ANO10: variants seen among roughly 807,000 people sequenced by gnomAD.
ANO10 encodes the protein anoctamin 10, also known as anoctamin-10.
Under a neutral mutation model 74.7 loss-of-function variants are expected in ANO10, and 77 were observed. That is an observed-to-expected ratio of 1.03 (90% CI 0.86 to 1.25). The LOEUF is 1.25. ANO10 is among the 50% of genes most tolerant of loss of function. ANO10 has a pLI of 0.00. For synonymous variants in ANO10, 279 were observed against 284.9 expected (o/e 0.98, Z 0.21); for missense variants, 721 against 778.1 (o/e 0.93, Z 0.87).
chr3:43,521,305 A>G (rs1262972364), intron 11 of ANO10, among the ~76,000 whole-genome samples: 1 of 152,212 alleles, frequency 6.6e-6, no homozygotes, highest in Non-Finnish European at 1.5e-5. Flanking sequence ...CACACACATC[A>G]CTTATCAGGT....
At chr3:43,455,788 C>T (rs568640620) in intron 11 of ANO10, among the ~76,000 whole-genome samples, 2 of 150,932 alleles carry the variant, frequency 1.3e-5, no homozygotes, top group South Asian at 4.2e-4. Context: ...ACATTGGTTA[C>T]AAACCTTTTT....
intron 1 of ANO10, among the ~76,000 whole-genome samples, chr3:43,656,708 C>T (rs1559387744): frequency 2.0e-5 from 3 of 152,356 alleles, no homozygotes; most frequent in South Asian, 4.1e-4. Flanking sequence ...CAGGGCCGGC[C>T]GGCTGCTCTG....
rs189417463 is a variant in ANO10, at chr3:43,674,228, C to T, written c.-12+17289G>A. On this transcript the variant is annotated intron_variant, in intron 1 of 3. Coordinates refer to the ANO10 transcript ENST00000413397. ...AATCATAGCTCACTGTAATGTTGAA[C>T]TTCTGGGCTCAAGTGATCTTCCCTC... 9.6e-4 allele frequency among the ~76,000 whole-genome samples: 146 copies of T among 152,304 alleles called. 2 individuals carry two copies. Among genetic ancestry groups the T allele is most frequent in the Admixed American group, 7.4e-3 (113 of 15,308 alleles).
At chr3:43,575,783 G>A (rs377176529) in intron 6 of ANO10, among the ~76,000 whole-genome samples, 12 of 152,140 alleles carry the variant, frequency 7.9e-5, no homozygotes, top group East Asian at 3.9e-4. Flanking sequence ...GACTACAGGC[G>A]TGTGCCACCA....
chr3:43,644,489 C>T (rs1035094638), intron 1 of ANO10, among the ~76,000 whole-genome samples: 2 of 152,160 alleles, frequency 1.3e-5, no homozygotes, highest in Non-Finnish European at 2.9e-5. Flanking sequence ...GAACAATGCA[C>T]GCACAGTGTG....
In ANO10 at chr3:43,576,874, T is replaced by C. The variant is rs146569520; in HGVS notation, c.980A>G (p.Tyr327Cys). The C allele has an allele frequency of 4.7e-3, 7,545 of 1,614,140 alleles. 23 individuals are homozygous for C. The highest frequency in any genetic ancestry group is 6.6e-3 in the Middle Eastern group (40 of 6,062). ...AATCATCATGACATACAGTGAGAAA[T>C]AGAGGCAGAGGCACACGAATGGCAG... is the stretch of plus-strand genomic sequence containing the variant. ...VSLPFVCLCL[Y>C]FSLYVMMIYF... Residue 327 changes from tyrosine to cysteine, a missense_variant, in exon 6 of 13, where the codon TAT becomes TGT. Coordinates refer to ENST00000292246, the MANE Select transcript of ANO10 (RefSeq NM_018075.5).
intron 1 of ANO10, among the ~76,000 whole-genome samples, chr3:43,655,384 G>A (rs1181025732): frequency 2.0e-5 from 3 of 152,166 alleles, no homozygotes; most frequent in Non-Finnish European, 4.4e-5. Context: ...AGACCTTGGC[G>A]GTGAGTGTTA....
intron 12 of ANO10, among the ~76,000 whole-genome samples, chr3:43,395,265 C>T (rs1320255576): frequency 2.6e-5 from 4 of 152,110 alleles, no homozygotes; most frequent in Non-Finnish European, 5.9e-5. Context: ...TTTGGAAGGG[C>T]AGAAGTTTTA....
chr3:43,544,452 T>C (rs2079089300), intron 11 of ANO10, among the ~76,000 whole-genome samples: 1 of 152,016 alleles, frequency 6.6e-6, no homozygotes, highest in Admixed American at 6.6e-5. Flanking sequence ...GTGATCATTT[T>C]TGCCTTTACT....
At chr3:43,415,293 G>C (rs984454914) in intron 12 of ANO10, among the ~76,000 whole-genome samples, 1 of 151,680 alleles carries the variant, frequency 6.6e-6, no homozygotes, top group South Asian at 2.1e-4. Flanking sequence ...ATTTTACAGA[G>C]GAAGAAACTG....
At chr3:43,634,113 G>A (rs1167315029) in intron 1 of ANO10, among the ~76,000 whole-genome samples, 1 of 151,772 alleles carries the variant, frequency 6.6e-6, no homozygotes, top group Non-Finnish European at 1.5e-5. Flanking sequence ...CTCAGAAGAT[G>A]GGCAGACACA....
At chr3:43,444,714 G>A (rs535537201) in intron 11 of ANO10, among the ~76,000 whole-genome samples, 2 of 152,008 alleles carry the variant, frequency 1.3e-5, no homozygotes, top group Non-Finnish European at 2.9e-5. Context: ...ACACACAATC[G>A]ACCTCCTGTG....
In ANO10 at chr3:43,576,770, G is replaced by C. The variant is rs370018426; in HGVS notation, c.1084C>G (p.Pro362Ala). ...ATCACAATGGCATAGATGATGCTGG[G>C]CACATACAACAGGACACTGGTCCAC... is the stretch of plus-strand genomic sequence containing the variant. ...SEWTSVLLYV[P>A]SIIYAIVIEI... Residue 362 changes from proline to alanine, a missense_variant, in exon 6 of 13, where the codon CCC (proline) becomes GCC (alanine). Physicochemically the swap from Pro to Ala is conservative, Grantham distance 27. Transcript: ENST00000292246. The C allele has an allele frequency of 6.2e-7, 1 of 1,614,030 alleles. No homozygotes were observed. The highest frequency in any genetic ancestry group is 1.3e-5 in the African/African-American group (1 of 74,914).
chr3:43,660,458 T>A (rs1416583872), intron 1 of ANO10, among the ~76,000 whole-genome samples: 1 of 151,956 alleles, frequency 6.6e-6, no homozygotes, highest in Non-Finnish European at 1.5e-5. Context: ...ATACACAAGC[T>A]TCAATAGCCT....
At chr3:43,626,438 A>C (rs915689836), upstream of ANO10, among the ~76,000 whole-genome samples, 1 of 151,864 alleles carries the variant, frequency 6.6e-6, no homozygotes, top group Non-Finnish European at 1.5e-5. Context: ...AGCTGGGATT[A>C]CAGGCATGTG....
chr3:43,401,413 G>T (rs2092479387), intron 12 of ANO10, among the ~76,000 whole-genome samples: 1 of 152,030 alleles, frequency 6.6e-6, no homozygotes, highest in African/African-American at 2.4e-5. Context: ...AAGGCGGGGG[G>T]GAAACGCCAT....
chr3:43,554,178 T>G (rs1409263877), intron 10 of ANO10, among the ~76,000 whole-genome samples: 1 of 150,790 alleles, frequency 6.6e-6, no homozygotes, highest in African/African-American at 2.4e-5. Flanking sequence ...CTATGATGAG[T>G]GATTTTTCTT....
chr3:43,421,998 T>A (rs1405684696), intron 12 of ANO10, among the ~76,000 whole-genome samples: 2 of 152,222 alleles, frequency 1.3e-5, no homozygotes, highest in African/African-American at 4.8e-5. Context: ...GGCATTTACC[T>A]GCAAAAGAAG....
At chr3:43,593,164 G>A (rs1303894140) in intron 4 of ANO10, among the ~76,000 whole-genome samples, 1 of 152,208 alleles carries the variant, frequency 6.6e-6, no homozygotes, top group Non-Finnish European at 1.5e-5. Context: ...GGAGAGAATG[G>A]AAACAAGTTG....
Sources: allele counts gnomAD v4.1 joint callset (sites outside exome capture counted in the v4.1 genomes callset), GRCh38; gene constraint gnomAD v4.1.1; transcripts MANE v1.5; gene names NCBI Gene and HGNC (gene_info 2026-07-23, HGNC 2026-07-21).